COL12A1: variants seen among roughly 807,000 people sequenced by gnomAD.
COL12A1 encodes the protein collagen type XII alpha 1 chain.
Under a neutral mutation model 349.7 loss-of-function variants are expected in COL12A1, and 114 were observed. The observed-to-expected ratio is 0.33, with a 90% CI of 0.28 to 0.38. The LOEUF (loss-of-function observed/expected upper bound fraction) is 0.38, where lower values mean the gene tolerates loss of function less well. Ranked by LOEUF, COL12A1 falls within the 10% of genes least tolerant of loss-of-function variation. The pLI is 1.00. For missense variants in COL12A1, 3,284 were observed against 3,756.9 expected (o/e 0.87, Z 3.29); for synonymous variants, 1,369 against 1,329.0 (o/e 1.03, Z -0.66).
intron 11 of COL12A1, among the ~76,000 whole-genome samples, 162 bp downstream of exon 11, chr6:75,180,777 C>T (rs1188930661): frequency 6.6e-6 from 1 of 152,088 alleles, no homozygotes; most frequent in East Asian, 1.9e-4. Context: ...TTATTTTTCT[C>T]TTTTTAAAAA....
At chr6:75,133,132 A>G (rs1450855416) in intron 34 of COL12A1, among the ~76,000 whole-genome samples, 161 bp downstream of exon 34, 1 of 152,236 alleles carries the variant, frequency 6.6e-6, no homozygotes, top group African/African-American at 2.4e-5. Flanking sequence ...TTCACACAAA[A>G]TGTTAACATT....
At chr6:75,148,732 T>C (rs1052166159) in intron 21 of COL12A1, among the ~76,000 whole-genome samples, 1 of 152,130 alleles carries the variant, frequency 6.6e-6, no homozygotes, top group African/African-American at 2.4e-5. Flanking sequence ...GCTCATTGTC[T>C]TTCCTTAAAA....
intron 13 of COL12A1, among the ~76,000 whole-genome samples, chr6:75,168,627 G>A (rs573975113): frequency 6.6e-6 from 1 of 152,336 alleles, no homozygotes; most frequent in South Asian, 2.1e-4. Flanking sequence ...ATTTGGGGAT[G>A]CACCTAAGTA....
chr6:75,157,732 C>T (rs1767832128), intron 14 of COL12A1, among the ~76,000 whole-genome samples: 1 of 152,068 alleles, frequency 6.6e-6, no homozygotes, highest in Non-Finnish European at 1.5e-5. Flanking sequence ...AATACTTGGT[C>T]TTCAACCTAG....
intron 12 of COL12A1, among the ~76,000 whole-genome samples, chr6:75,177,205 G>A (rs138183437): frequency 1.3e-5 from 2 of 152,290 alleles, no homozygotes; most frequent in East Asian, 3.9e-4. Context: ...GGGAGGCCAT[G>A]TCGGCCAGAT....
At chr6:75,137,400 G>A (rs1285181199) in intron 31 of COL12A1, 37 bp downstream of exon 31, 2 of 1,524,268 alleles carry the variant, frequency 1.3e-6, no homozygotes, top group East Asian at 4.9e-5. Flanking sequence ...AGAAATGGTA[G>A]AATTAATCCA....
At position 75,085,386 on chromosome 6, in the gene COL12A1, A is replaced by G. The variant is rs902153656; in HGVS notation, c.*1161T>C. The G allele has an allele frequency of 4.4e-6, 2 of 458,170 alleles. No individual in the cohort carries two copies. The highest frequency in any genetic ancestry group is 4.3e-5 in the African/African-American group (2 of 46,992). 28.4% of individuals were successfully genotyped at this position (458,170 alleles called of 1,614,324 possible). On this transcript the variant is annotated 3_prime_UTR_variant, in exon 66 of 66. Coordinates refer to ENST00000322507, the MANE Select transcript of COL12A1 (RefSeq NM_004370.6). ...AGGCTCTGTCCGATTCAACATTACA[A>G]TTATGGCATGATTTGGAAGGCACAC...
chr6:75,189,271 C>G lies in COL12A1; in HGVS notation c.769G>C (p.Val257Leu), dbSNP rs775522044. ...CGAAGCTCTCTTGCTGGAATTTCCA[C>G]TTCATCCTGGGATTTTCCATCCGTA... ...IITDGKSQDEVEIPARELRNV... is the reference protein window; with the variant it reads ...IITDGKSQDELEIPARELRNV... Residue 257 changes from valine to leucine, a missense_variant, in exon 7 of 66, where the codon GTG (valine) becomes CTG (leucine). Transcript: ENST00000322507. The G allele has an allele frequency of 6.8e-6, 11 of 1,613,112 alleles. No individual in the cohort carries two copies. Among genetic ancestry groups the G allele is most frequent in the Non-Finnish European group, 9.3e-6 (11 of 1,179,440 alleles).
chr6:75,156,943 T>C (rs1017331275), intron 14 of COL12A1, among the ~76,000 whole-genome samples: 1 of 152,214 alleles, frequency 6.6e-6, no homozygotes, highest in Non-Finnish European at 1.5e-5. Flanking sequence ...CAGAAAAAGT[T>C]GCAATCCATA....
Position 75,183,542 on chromosome 6 carries a change from C to T in COL12A1, c.1399G>A (p.Val467Ile), listed in dbSNP as rs764594174. ...TTTGGTGAAATTTCAAAACTTTTTACAAGAACTTCCAAAAAGGCTCTAACT... is the reference window on the plus strand; with the variant it reads ...TTTGGTGAAATTTCAAAACTTTTTATAAGAACTTCCAAAAAGGCTCTAACT... ...VKVRAFLEVLVKSFEISPNRV... is the reference protein window; with the variant it reads ...VKVRAFLEVLIKSFEISPNRV... Residue 467 changes from valine to isoleucine, a missense_variant, in exon 10 of 66, where the codon GTA becomes ATA. By Grantham distance (29) the Val-to-Ile change is conservative. Coordinates refer to ENST00000322507, the MANE Select transcript of COL12A1 (RefSeq NM_004370.6). The T allele has an allele frequency of 1.2e-6, 2 of 1,614,064 alleles. No homozygotes were observed. Among genetic ancestry groups the T allele is most frequent in the South Asian group, 2.2e-5 (2 of 91,076 alleles).
rs979327000 is a variant in COL12A1, at chr6:75,099,401, C to A, written c.8524-2095G>T. Among the ~76,000 whole-genome samples, 11 of 152,268 alleles carry A rather than the reference C, an allele frequency of 7.2e-5. 1 individual carries two copies. The highest frequency in any genetic ancestry group is 6.5e-4 in the Admixed American group (10 of 15,298). On this transcript the variant is annotated intron_variant, in intron 58 of 65. Transcript: ENST00000322507. ...TTGGACAATTTGAATAAAATTTCTT[C>A]CACCCAAGTTTCTCCAACTACTATA...
chr6:75,121,578 T>A (rs1211731889), intron 43 of COL12A1, 137 bp from the exon 44 acceptor site: 1 of 1,023,990 alleles, frequency 9.8e-7, no homozygotes, highest in Non-Finnish European at 1.3e-6. Flanking sequence ...CCTGGGAGCT[T>A]GTTAGAAATG....
intron 31 of COL12A1, among the ~76,000 whole-genome samples, chr6:75,135,769 C>T (rs6916551): frequency 0.035 from 5,371 of 152,136 alleles, 213 homozygotes; most frequent in African/African-American, 0.095. Context: ...ACTGAACTAC[C>T]GTGGCTAATT....
chr6:75,201,119 C>T (rs9443160), intron 2 of COL12A1, among the ~76,000 whole-genome samples: 129,469 of 152,238 alleles, frequency 0.85, 55,999 homozygotes, highest in Non-Finnish European at 0.93. Flanking sequence ...TCCAGCCTAA[C>T]TCTTTTTCTA....
chr6:75,119,683 G>C (rs1769259479), intron 44 of COL12A1, among the ~76,000 whole-genome samples: 1 of 152,108 alleles, frequency 6.6e-6, no homozygotes, highest in South Asian at 2.1e-4. Flanking sequence ...CAATGAAATT[G>C]TCATAATTGG....
chr6:75,178,833 CT>C (rs1372070192), intron 11 of COL12A1, among the ~76,000 whole-genome samples: 1 of 152,102 alleles, frequency 6.6e-6, no homozygotes, highest in Non-Finnish European at 1.5e-5. Flanking sequence ...GGAAGTATAT[CT>C]CTCTAGAAGA....
At chr6:75,087,428 G>T in intron 65 of COL12A1, 149 bp downstream of exon 65, 1 of 704,000 alleles carries the variant, frequency 1.4e-6, no homozygotes, top group Non-Finnish European at 2.3e-6. Context: ...TGCTATGATA[G>T]CAAACACTAT....
intron 59 of COL12A1, among the ~76,000 whole-genome samples, chr6:75,096,706 C>T (rs1186296858): frequency 6.6e-6 from 1 of 151,988 alleles, no homozygotes; most frequent in Non-Finnish European, 1.5e-5. Flanking sequence ...ACCATCCCGG[C>T]TAAAAGGGTG....
In COL12A1 at chr6:75,125,001, C is replaced by T. The variant is rs192587811; in HGVS notation, c.6607+126G>A. On this transcript the variant is annotated intron_variant, in intron 40 of 65. Transcript: ENST00000322507. ...AATAGGTATTTTGTCTAACCAGACA[C>T]AAAATAGCCTGCCTACATAATGCTG... 7,073 of 779,766 alleles carry T rather than the reference C, an allele frequency of 9.1e-3. 68 individuals carry two copies. The highest frequency in any genetic ancestry group is 0.042 in the South Asian group (793 of 18,670). The allele number at this position is 779,766 out of a possible 1,614,324, so 48.3% of individuals were successfully genotyped here.
Sources: allele counts gnomAD v4.1 joint callset (sites outside exome capture counted in the v4.1 genomes callset), GRCh38; gene constraint gnomAD v4.1.1; transcripts MANE v1.5; gene names NCBI Gene and HGNC (gene_info 2026-07-23, HGNC 2026-07-21).